The following KCNQ1 variants were observed in gnomAD, a reference collection of about 807,000 sequenced individuals.
The protein encoded by KCNQ1 is potassium voltage-gated channel subfamily KQT member 1.
A neutral mutation model predicts 72.4 loss-of-function variants in KCNQ1; 49 were observed. The ratio of observed to expected loss-of-function variants is 0.68; its 90% CI spans 0.54 to 0.86. The LOEUF (loss-of-function observed/expected upper bound fraction) is 0.86, where lower values mean the gene tolerates loss of function less well. Among genes scored for constraint, KCNQ1 ranks in the 40% least tolerant of loss-of-function variants. KCNQ1 has a pLI of 0.00. For missense variants in KCNQ1, 790 were observed against 945.1 expected (o/e 0.84, Z 2.15); for synonymous variants, 450 against 412.6 (o/e 1.09, Z -1.10).
At chr11:2,580,120 C>T (rs1034709781) in intron 6 of KCNQ1, among the ~76,000 whole-genome samples, 2 of 152,150 alleles carry the variant, frequency 1.3e-5, no homozygotes, top group African/African-American at 2.4e-5. Context: ...TGTCTTGATG[C>T]CTGGGTTTGC....
intron 11 of KCNQ1, among the ~76,000 whole-genome samples, chr11:2,705,051 A>C (rs1850883464): frequency 6.6e-6 from 1 of 152,154 alleles, no homozygotes; most frequent in African/African-American, 2.4e-5. Flanking sequence ...TCAGGCTGAC[A>C]GAGTGTGACA....
chr11:2,447,688 A>G lies in KCNQ1; in HGVS notation c.386+2204A>G, dbSNP rs1403778529. ...TGTGTTGCTGTAAGAAGTCTTGGCA[A>G]TGGTGGCGGAGACAGGGCCCTGTCC... On this transcript the variant is annotated intron_variant, in intron 1 of 15. Coordinates refer to ENST00000155840, the MANE Select transcript of KCNQ1 (RefSeq NM_000218.3). This position sits in a 1 kb window ranked among gnomAD's most constrained non-coding sequence, Gnocchi z 7.6. 1.3e-5 allele frequency among the ~76,000 whole-genome samples: 2 copies of G among 152,264 alleles called. No homozygotes were observed. The highest frequency in any genetic ancestry group is 2.4e-5 in the African/African-American group (1 of 41,560).
chr11:2,628,284 C>A, intron 10 of KCNQ1: 1 of 398,584 alleles, frequency 2.5e-6, no homozygotes, highest in Non-Finnish European at 4.4e-6. Flanking sequence ...TTCTCCACAT[C>A]CTCACCAACA....
At chr11:2,636,145 C>T (rs1043649435) in intron 10 of KCNQ1, 2 of 152,210 alleles carry the variant, frequency 1.3e-5, no homozygotes, top group African/African-American at 4.8e-5. Flanking sequence ...GACAATTTGA[C>T]TTCCTCTTTT....
At chr11:2,831,293 G>A (rs538738446) in intron 15 of KCNQ1, among the ~76,000 whole-genome samples, 1 of 152,296 alleles carries the variant, frequency 6.6e-6, no homozygotes, top group African/African-American at 2.4e-5. Context: ...GCCATGAGAA[G>A]AAGTATGTGG....
intron 6 of KCNQ1, among the ~76,000 whole-genome samples, chr11:2,575,183 G>A (rs1256650295): frequency 6.6e-6 from 1 of 152,212 alleles, no homozygotes; most frequent in African/African-American, 2.4e-5. Context: ...GCCCGCAGCA[G>A]AGCGGCACTC....
At position 2,538,969 on chromosome 11, in the gene KCNQ1, C is replaced by T. The variant is rs1404396635; in HGVS notation, c.477+10951C>T. Among the ~76,000 whole-genome samples the T allele has an allele frequency of 6.6e-6, 1 of 152,182 alleles. No homozygotes were observed. Among genetic ancestry groups the T allele is most frequent in the African/African-American group, 2.4e-5 (1 of 41,446 alleles). ...CTGGAACCTGGGAACCACCAGTCAG[C>T]GTCTTTCCTCCAGGGAGGCTGTGCA... On this transcript the variant is annotated intron_variant, in intron 2 of 15. Coordinates refer to ENST00000155840, the MANE Select transcript of KCNQ1 (RefSeq NM_000218.3). This position sits in a 1 kb window ranked among gnomAD's most constrained non-coding sequence, Gnocchi z 6.7.
chr11:2,503,986 C>T (rs192612417), intron 1 of KCNQ1, among the ~76,000 whole-genome samples: 101 of 152,260 alleles, frequency 6.6e-4, no homozygotes, highest in Non-Finnish European at 1.0e-3. Flanking sequence ...GTTATATATC[C>T]AGAAGAAAGA....
At chr11:2,554,878 AAG>A (rs1491245966) in intron 2 of KCNQ1, among the ~76,000 whole-genome samples, 3 of 152,222 alleles carry the variant, frequency 2.0e-5, no homozygotes, top group Non-Finnish European at 4.4e-5. Flanking sequence ...ACATTCCTGA[AAG>A]GGGGGGAAAA....
Position 2,725,806 on chromosome 11 carries a change from G to A in KCNQ1, c.1515-43038G>A, listed in dbSNP as rs1188092868. 6.7e-6 allele frequency among the ~76,000 whole-genome samples: 1 copy of A among 148,406 alleles called. No homozygotes were observed. The highest frequency in any genetic ancestry group is 2.5e-5 in the African/African-American group (1 of 40,070). ...ACCCCCGCCCCCACCCAAAGCACAGGTCACCTGCCTGGTTAATCATCCTGG... is the reference window on the plus strand; with the variant it reads ...ACCCCCGCCCCCACCCAAAGCACAGATCACCTGCCTGGTTAATCATCCTGG... On this transcript the variant is annotated intron_variant, in intron 11 of 15. Coordinates refer to ENST00000155840, the MANE Select transcript of KCNQ1 (RefSeq NM_000218.3). The surrounding 1 kb of genome is among the most constrained non-coding windows in gnomAD (Gnocchi z 7.2).
In KCNQ1 at chr11:2,785,120, C is replaced by G. The variant is rs368309045; in HGVS notation, c.1794+7083C>G. Among the ~76,000 whole-genome samples the G allele has an allele frequency of 7.2e-5, 11 of 151,982 alleles. No individual in the cohort carries two copies. Among genetic ancestry groups the G allele is most frequent in the African/African-American group, 2.7e-4 (11 of 41,452 alleles). On this transcript the variant is annotated intron_variant, in intron 15 of 15. Transcript: ENST00000155840. The surrounding 1 kb of genome is among the most constrained non-coding windows in gnomAD (Gnocchi z 4.4). ...ATCATTCAATCAATTTCCATTAGCT[C>G]TGAGTTTTCCATAGATGCCTTTTAT... is the stretch of plus-strand genomic sequence containing the variant.
intron 1 of KCNQ1, chr11:2,461,923 G>C (rs1259387153): frequency 2.0e-5 from 8 of 408,788 alleles, no homozygotes; most frequent in Non-Finnish European, 3.8e-5. Context: ...GCACCCACTG[G>C]GTGCAGCTGT....
At chr11:2,814,290 G>T (rs1476453068) in intron 15 of KCNQ1, among the ~76,000 whole-genome samples, 2 of 144,382 alleles carry the variant, frequency 1.4e-5, no homozygotes, top group East Asian at 2.0e-4. Flanking sequence ...GGGATGGATG[G>T]ATGGATGGAT....
chr11:2,831,134 C>G lies in KCNQ1; in HGVS notation c.1795-16633C>G, dbSNP rs373305620. Reference sequence around the variant, plus strand: ...CCTGCTTCCCAGTATGGCTGTGAAGCCAAAGGCGGCGATCAATGGGATGTT... The same window carrying G: ...CCTGCTTCCCAGTATGGCTGTGAAGGCAAAGGCGGCGATCAATGGGATGTT... On this transcript the variant is annotated intron_variant, in intron 15 of 15. Transcript: ENST00000155840. Among the ~76,000 whole-genome samples, 12 of 152,320 alleles carry G rather than the reference C, an allele frequency of 7.9e-5. No homozygotes were observed. The East Asian group carries it at 2.1e-3, about 27-fold the overall frequency.
intron 10 of KCNQ1, chr11:2,619,231 A>C (rs949862413): frequency 1.3e-5 from 5 of 398,364 alleles, no homozygotes; most frequent in Non-Finnish European, 2.2e-5. Flanking sequence ...TAGTAGCTAG[A>C]GTGGGCATCC....
rs1188585918 is a variant in KCNQ1 at position 2,824,862 on chromosome 11, G to A, written c.1795-22905G>A. Among the ~76,000 whole-genome samples the A allele has an allele frequency of 6.6e-6, 1 of 152,230 alleles. No individual in the cohort carries two copies. Among genetic ancestry groups the A allele is most frequent in the Non-Finnish European group, 1.5e-5 (1 of 68,042 alleles). On this transcript the variant is annotated intron_variant, in intron 15 of 15. Coordinates refer to ENST00000155840, the MANE Select transcript of KCNQ1 (RefSeq NM_000218.3). This position sits in a 1 kb window ranked among gnomAD's most constrained non-coding sequence, Gnocchi z 5.9. ...CATCCATCCTGCCCCTGGCACCGGA[G>A]GGTACACTGATCAGGGACACGAGTT...
chr11:2,618,644 T>C (rs1849111541), intron 10 of KCNQ1: 1 of 398,594 alleles, frequency 2.5e-6, no homozygotes, highest in African/African-American at 2.1e-5. Context: ...CCTTTGTTTT[T>C]CAGAACAGAA....
intron 11 of KCNQ1, chr11:2,685,179 A>T (rs1564857631): frequency 2.5e-6 from 1 of 398,626 alleles, no homozygotes; most frequent in Non-Finnish European, 4.4e-6. Flanking sequence ...ATCTGCATGG[A>T]ATGCCCCCTT....
chr11:2,583,449 C>T lies in KCNQ1; in HGVS notation c.936C>T (p.Thr312=), dbSNP rs753939458. The T allele has an allele frequency of 6.2e-6, 10 of 1,613,378 alleles. No individual in the cohort carries two copies. Among genetic ancestry groups the T allele is most frequent in the South Asian group, 1.1e-5 (1 of 91,076 alleles). The change falls in exon 7 of 16, where the codon ACC becomes ACT. Residue 312 remains threonine (T), a synonymous_variant. Coordinates refer to ENST00000155840, the MANE Select transcript of KCNQ1 (RefSeq NM_000218.3). ...TCTCCCTGCAGGTCACAGTCACCAC[C>T]ATCGGCTATGGGGACAAGGTGCCCC... ...ALWWGVVTVT[T]IGYGDKVPQT...
Sources: allele counts gnomAD v4.1 joint callset (sites outside exome capture counted in the v4.1 genomes callset), GRCh38; gene constraint gnomAD v4.1.1; non-coding constraint Gnocchi (gnomAD v3.1); transcripts MANE v1.5; gene names NCBI Gene and HGNC (gene_info 2026-07-23, HGNC 2026-07-21).